The following CEP295 variants were observed in gnomAD, a reference collection of about 807,000 sequenced individuals.
CEP295 encodes the protein centrosomal protein 295.
A neutral mutation model predicts 291.6 loss-of-function variants in CEP295; 190 were observed. The observed-to-expected ratio is 0.65, with a 90% CI of 0.58 to 0.73. CEP295 has a LOEUF of 0.73. Among genes scored for constraint, CEP295 ranks in the 30% least tolerant of loss-of-function variants. The probability of loss-of-function intolerance (pLI) is 0.00; values close to 1 mark genes in which losing one functional copy is unlikely to be tolerated. For synonymous variants in CEP295, 993 were observed against 1,038.8 expected (o/e 0.96, Z 0.85); for missense variants, 2,863 against 2,949.4 (o/e 0.97, Z 0.68).
intron 18 of CEP295, among the ~76,000 whole-genome samples, chr11:93,712,196 A>G (rs1243879593): frequency 1.3e-5 from 2 of 151,886 alleles, no homozygotes; most frequent in African/African-American, 4.8e-5. Context: ...CCTTATCATT[A>G]TATAATGACC....
At chr11:93,713,289 C>A (rs1034237507) in intron 18 of CEP295, among the ~76,000 whole-genome samples, 2 of 152,054 alleles carry the variant, frequency 1.3e-5, no homozygotes, top group African/African-American at 4.8e-5. Context: ...TTACTATTAC[C>A]AGTGATTTTT....
At chr11:93,686,095 G>T (rs1951221144) in intron 9 of CEP295, among the ~76,000 whole-genome samples, 1 of 150,090 alleles carries the variant, frequency 6.7e-6, no homozygotes, top group Non-Finnish European at 1.5e-5. Flanking sequence ...AAGGTGGGAG[G>T]ATCATTTGAG....
rs994647444 is a variant in CEP295 at position 93,699,566 on chromosome 11, G to GT, written c.4655dup (p.Ser1553IlefsTer7). 1.9e-6 allele frequency: 3 copies of GT among 1,551,876 alleles called. No homozygotes were observed. The highest frequency in any genetic ancestry group is 2.6e-6 in the Non-Finnish European group (3 of 1,147,100). ...TGAACAAGTTTGCTCCTCTTCATTT[G>GT]TATCCCAGGTGCCTGTTGCTGACTC... On this transcript the variant is annotated frameshift_variant, in exon 15 of 30. Transcript: ENST00000325212. LOFTEE classifies it high-confidence loss of function.
intron 12 of CEP295, among the ~76,000 whole-genome samples, chr11:93,694,453 C>G (rs1046295663): frequency 2.6e-5 from 4 of 152,036 alleles, no homozygotes; most frequent in Non-Finnish European, 4.4e-5. Context: ...AATTTTTTTT[C>G]TTTCCTTATT....
At chr11:93,724,903 T>C (rs765605180) in intron 22 of CEP295, among the ~76,000 whole-genome samples, 36 of 152,116 alleles carry the variant, frequency 2.4e-4, no homozygotes, top group Non-Finnish European at 4.9e-4. Context: ...ATAGTACTAA[T>C]TATTATTATT....
chr11:93,667,941 AT>A, intron 3 of CEP295, 134 bp downstream of exon 3: 1 of 626,638 alleles, frequency 1.6e-6, no homozygotes, highest in South Asian at 2.2e-5. Flanking sequence ...TTTTTTATAA[AT>A]TTAATGTAAT....
chr11:93,680,761 T>G (rs772890595), intron 7 of CEP295, among the ~76,000 whole-genome samples: 26 of 152,242 alleles, frequency 1.7e-4, no homozygotes, highest in Non-Finnish European at 2.9e-4. Context: ...TGCTTAGTCT[T>G]AAAATATAGC....
At chr11:93,662,280 T>C (rs1009707929) in intron 1 of CEP295, among the ~76,000 whole-genome samples, 17 of 152,370 alleles carry the variant, frequency 1.1e-4, no homozygotes, top group African/African-American at 3.8e-4. Flanking sequence ...TTAGAGTGTA[T>C]TTGAAGACTT....
chr11:93,708,251 C>CT (rs1393082912), intron 18 of CEP295, among the ~76,000 whole-genome samples: 1 of 152,140 alleles, frequency 6.6e-6, no homozygotes, highest in Non-Finnish European at 1.5e-5. Context: ...GTTTTGCTAT[C>CT]TAACTGCTTA....
Position 93,725,722 on chromosome 11 carries a change from G to A in CEP295, c.6390G>A (p.Leu2130=). The A allele has an allele frequency of 1.3e-6, 2 of 1,551,882 alleles. No homozygotes were observed. Among genetic ancestry groups the A allele is most frequent in the South Asian group, 2.4e-5 (2 of 84,056 alleles). The change falls in exon 23 of 30, where the codon CTG becomes CTA. Residue 2130 remains leucine, a synonymous_variant. Coordinates refer to ENST00000325212, the MANE Select transcript of CEP295 (RefSeq NM_033395.2). ...LSKSTVYFTA[L]RRTSMHSSLN... is the part of the protein sequence containing the mutation. ...AAAGTACAGTTTATTTCACAGCACT[G>A]AGGAGGACCAGCATGCATTCTTCTC...
chr11:93,676,752 A>AT (rs957074169), intron 6 of CEP295, among the ~76,000 whole-genome samples: 4 of 151,404 alleles, frequency 2.6e-5, no homozygotes, highest in South Asian at 2.1e-4. Context: ...TTGATGATGA[A>AT]TTTTTTTTTA....
intron 1 of CEP295, among the ~76,000 whole-genome samples, chr11:93,666,011 C>G (rs1950194624): frequency 6.6e-6 from 1 of 152,166 alleles, no homozygotes; most frequent in African/African-American, 2.4e-5. Context: ...ATGCTAACAT[C>G]TTTTTAGGTC....
At chr11:93,710,521 G>A (rs946779557) in intron 18 of CEP295, among the ~76,000 whole-genome samples, 2 of 151,994 alleles carry the variant, frequency 1.3e-5, no homozygotes, top group African/African-American at 4.8e-5. Context: ...TGTTGAATTC[G>A]ATTTGCTAGT....
intron 13 of CEP295, 71 bp downstream of exon 13, chr11:93,695,705 A>T (rs1445845392): frequency 6.9e-7 from 1 of 1,455,742 alleles, no homozygotes; most frequent in South Asian, 1.4e-5. Context: ...GAGCACTTGT[A>T]GCGTTTAGAA....
intron 3 of CEP295, among the ~76,000 whole-genome samples, chr11:93,668,129 A>G (rs1360815676): frequency 6.6e-6 from 1 of 152,122 alleles, no homozygotes; most frequent in Non-Finnish European, 1.5e-5. Context: ...ATTTTTTGAC[A>G]GATTTGGTGG....
chr11:93,721,513 G>A (rs773619421), intron 19 of CEP295, 101 bp downstream of exon 19: 1 of 842,382 alleles, frequency 1.2e-6, no homozygotes, highest in South Asian at 1.3e-5. Flanking sequence ...TAAAGTCAGT[G>A]CTTTCTGAGA....
Position 93,697,965 on chromosome 11 carries a change from A to G in CEP295, c.3053A>G (p.Gln1018Arg), listed in dbSNP as rs757827493. The G allele has an allele frequency of 2.5e-5, 39 of 1,551,634 alleles. No homozygotes were observed. The highest frequency in any genetic ancestry group is 1.4e-4 in the Admixed American group (7 of 50,984). ...PSADTKSGKI[Q>R]EQHSSKSEKG... ...GCTGATACAAAATCTGGAAAAATAC[A>G]GGAGCAACATTCATCTAAGAGCGAG... Residue 1018 changes from glutamine (Q) to arginine (R), a missense_variant, in exon 15 of 30, where the codon CAG becomes CGG. Coordinates refer to ENST00000325212, the MANE Select transcript of CEP295 (RefSeq NM_033395.2).
At position 93,667,628 on chromosome 11, in the gene CEP295, A is replaced by C; in HGVS notation, c.130A>C (p.Ile44Leu). The C allele has an allele frequency of 6.5e-7, 1 of 1,548,626 alleles. No individual in the cohort carries two copies. Among genetic ancestry groups the C allele is most frequent in the Non-Finnish European group, 8.7e-7 (1 of 1,146,048 alleles). The change falls in exon 3 of 30, where the codon ATC becomes CTC. Residue 44 changes from isoleucine (I) to leucine (L), a missense_variant. By Grantham distance (5) the Ile-to-Leu change is conservative. This residue lies in a region of CEP295 where 554 missense variants were observed against 576.0 expected (regional missense o/e 0.96). Transcript: ENST00000325212. ...LLQVREQERD[I>L]ALQIREDIKQ... is the part of the protein sequence containing the mutation. ...TTAGGTTCGAGAACAAGAAAGAGAT[A>C]TCGCCTTACAGATAAGAGAAGACAT... is the stretch of plus-strand genomic sequence containing the variant.
At chr11:93,690,565 A>G (rs1185379962) in intron 10 of CEP295, among the ~76,000 whole-genome samples, 10 of 148,994 alleles carry the variant, frequency 6.7e-5, no homozygotes, top group South Asian at 4.3e-4. Flanking sequence ...TCTCACAAAA[A>G]AAAAAAAAAA....
Sources: allele counts gnomAD v4.1 joint callset (sites outside exome capture counted in the v4.1 genomes callset), GRCh38; gene constraint gnomAD v4.1.1; regional missense constraint gnomAD v4.1.1; transcripts MANE v1.5; gene names NCBI Gene and HGNC (gene_info 2026-07-23, HGNC 2026-07-21).